The following PDCD6IP variants were observed in gnomAD, a reference collection of about 807,000 sequenced individuals.
The protein encoded by PDCD6IP is programmed cell death 6-interacting protein.
Under a neutral mutation model 103.7 loss-of-function variants are expected in PDCD6IP, and 43 were observed. The ratio of observed to expected loss-of-function variants is 0.41; its 90% CI spans 0.32 to 0.53. PDCD6IP has a LOEUF of 0.53. Among genes scored for constraint, PDCD6IP ranks in the 20% least tolerant of loss-of-function variants. The pLI is 0.16. For synonymous variants in PDCD6IP, 354 were observed against 378.7 expected, an observed-to-expected ratio of 0.93 and a Z score of 0.76; for missense variants, 871 against 1,036.7, an observed-to-expected ratio of 0.84 and a Z score of 2.20.
At chr3:33,845,959 C>T (rs1201808139) in intron 12 of PDCD6IP, among the ~76,000 whole-genome samples, 2 of 152,162 alleles carry the variant, frequency 1.3e-5, no homozygotes, top group Admixed American at 1.3e-4. Flanking sequence ...ATTCTATACT[C>T]CTTTCCACCT....
chr3:33,832,409 TAGC>T (rs1697263437), intron 7 of PDCD6IP, among the ~76,000 whole-genome samples: 1 of 152,208 alleles, frequency 6.6e-6, no homozygotes, highest in African/African-American at 2.4e-5. Flanking sequence ...GTCCCGTACA[TAGC>T]AGCAGGTATA....
chr3:33,866,724 G>A lies in PDCD6IP; in HGVS notation c.*199G>A. On this transcript the variant is annotated 3_prime_UTR_variant, in exon 18 of 18. Transcript: ENST00000307296. ...ACATGTGAGATTTGCTGCTGTTGCA[G>A]TATAAACACTAGGTATAATAGGATT... 2.4e-6 allele frequency: 1 copy of A among 414,868 alleles called. No individual in the cohort carries two copies. 25.7% of individuals were successfully genotyped at this position (414,868 alleles called of 1,614,324 possible). A position where few individuals can be genotyped will look rare whatever the true frequency, so the allele number is the denominator to read the frequency against.
At position 33,836,398 on chromosome 3, in the gene PDCD6IP, T is replaced by C. The variant is rs894025956; in HGVS notation, c.1057+132T>C. On this transcript the variant is annotated intron_variant, in intron 8 of 17. Coordinates refer to ENST00000307296, the MANE Select transcript of PDCD6IP (RefSeq NM_013374.6). Reference sequence around the variant, plus strand: ...GTATTCATGTTGTTTAAAATGAATATGAGAATAAATATTGTGCCAGTGCAA... The same window carrying C: ...GTATTCATGTTGTTTAAAATGAATACGAGAATAAATATTGTGCCAGTGCAA... 6.5e-6 allele frequency: 4 copies of C among 611,562 alleles called. No individual in the cohort carries two copies. The African/African-American group carries it at 7.4e-5, about 11-fold the overall frequency. The allele number at this position is 611,562 out of a possible 1,614,324, so 37.9% of individuals were successfully genotyped here.
At chr3:33,821,357 A>C (rs1057132405) in intron 3 of PDCD6IP, among the ~76,000 whole-genome samples, 9 of 152,116 alleles carry the variant, frequency 5.9e-5, no homozygotes, top group African/African-American at 2.2e-4. Flanking sequence ...CAGTTTGTCT[A>C]TATCTTCATC....
intron 11 of PDCD6IP, among the ~76,000 whole-genome samples, chr3:33,845,085 T>A (rs73826774): frequency 0.041 from 6,247 of 152,190 alleles, 404 homozygotes; most frequent in African/African-American, 0.14. Context: ...GGAATACTTT[T>A]AAAATAAATG....
At chr3:33,851,837 T>C (rs771917902) in intron 12 of PDCD6IP, among the ~76,000 whole-genome samples, 3 of 152,190 alleles carry the variant, frequency 2.0e-5, no homozygotes, top group Admixed American at 6.5e-5. Context: ...ATAAATGTGG[T>C]ATATACACTT....
intron 1 of PDCD6IP, 75 bp downstream of exon 1, chr3:33,799,012 C>T: frequency 3.0e-6 from 4 of 1,320,376 alleles, no homozygotes; most frequent in African/African-American, 1.5e-5. Context: ...CTCCCCCCTT[C>T]CTTCAATCCT....
intron 7 of PDCD6IP, among the ~76,000 whole-genome samples, chr3:33,832,885 A>G (rs998195160): frequency 1.3e-5 from 2 of 152,080 alleles, no homozygotes; most frequent in Non-Finnish European, 2.9e-5. Flanking sequence ...GTTTCTTCAT[A>G]TGAATTTTCT....
chr3:33,848,693 G>A (rs530182440), intron 12 of PDCD6IP, among the ~76,000 whole-genome samples: 1 of 152,222 alleles, frequency 6.6e-6, no homozygotes, highest in South Asian at 2.1e-4. Flanking sequence ...GTGAGCTACC[G>A]CGCCCGGCCC....
Position 33,866,796 on chromosome 3 carries a change from C to T in PDCD6IP, c.*271C>T, listed in dbSNP as rs1017190090. 1 of 314,614 alleles carries T rather than the reference C, an allele frequency of 3.2e-6. No individual in the cohort carries two copies. The highest frequency in any genetic ancestry group is 5.8e-6 in the Non-Finnish European group (1 of 173,316). The allele number at this position is 314,614 out of a possible 1,614,324, so 19.5% of individuals were successfully genotyped here. A position where few individuals can be genotyped will look rare whatever the true frequency, so the allele number is the denominator to read the frequency against. ...AAAAATTGAAAATGAGAAATTAAAC[C>T]TGCAAGTGAAACATTTGAAACGATT... On this transcript the variant is annotated 3_prime_UTR_variant, in exon 18 of 18. Coordinates refer to ENST00000307296, the MANE Select transcript of PDCD6IP (RefSeq NM_013374.6).
At chr3:33,836,832 CTGGGTGACAGAGAGAGATCTTT>C (rs1697359670) in intron 8 of PDCD6IP, among the ~76,000 whole-genome samples, 1 of 151,664 alleles carries the variant, frequency 6.6e-6, no homozygotes, top group South Asian at 2.1e-4. Context: ...ATACTCCAGC[CTGGGTGACAGAGAGAGATCTTT>C]TCTCAAAAAT....
intron 12 of PDCD6IP, among the ~76,000 whole-genome samples, chr3:33,848,307 G>T (rs573919588): frequency 4.6e-5 from 7 of 152,060 alleles, no homozygotes; most frequent in Admixed American, 4.6e-4. Context: ...AAGTTTCTGC[G>T]TTCGTTGCTG....
chr3:33,855,021 G>C, intron 14 of PDCD6IP, 145 bp from the exon 15 acceptor site: 2 of 474,298 alleles, frequency 4.2e-6, no homozygotes, highest in East Asian at 7.0e-5. Flanking sequence ...TAAGTTGTTG[G>C]GCCTAGTAAA....
At chr3:33,807,229 C>G (rs1435284416) in intron 1 of PDCD6IP, among the ~76,000 whole-genome samples, 1 of 152,206 alleles carries the variant, frequency 6.6e-6, no homozygotes, top group African/African-American at 2.4e-5. Context: ...TCATTTCCTA[C>G]TACTCCCTTC....
chr3:33,846,783 CTGTT>C (rs1033253722), intron 12 of PDCD6IP, among the ~76,000 whole-genome samples: 7 of 152,186 alleles, frequency 4.6e-5, no homozygotes, highest in Non-Finnish European at 7.3e-5. Context: ...TGGCTGGAAT[CTGTT>C]TGTTTATTTA....
Position 33,852,536 on chromosome 3 carries a change from A to G in PDCD6IP, c.1690A>G (p.Lys564Glu). 1 of 1,562,028 alleles carries G rather than the reference A, an allele frequency of 6.4e-7. No individual in the cohort carries two copies. Among genetic ancestry groups the G allele is most frequent in the East Asian group, 2.3e-5 (1 of 44,366 alleles). ...SLLSNLDEVK[K>E]EREGLENDLK... ...ATTGTCAAATCTTGATGAAGTAAAG[A>G]AGGAAAGAGAGGGTCTGGAGAATGA... Residue 564 changes from lysine to glutamate, a missense_variant, in exon 13 of 18, where the codon AAG (lysine) becomes GAG (glutamate). Lys to Glu is a moderately conservative substitution (Grantham distance 56, BLOSUM62 1). This residue lies in a region of PDCD6IP where 266 missense variants were observed against 390.5 expected (regional missense o/e 0.68). Transcript: ENST00000307296.
intron 1 of PDCD6IP, among the ~76,000 whole-genome samples, chr3:33,806,579 C>G (rs1416788849): frequency 6.6e-6 from 1 of 152,188 alleles, no homozygotes; most frequent in East Asian, 1.9e-4. Context: ...TTTGCCAACT[C>G]CTGGCTTAGC....
intron 15 of PDCD6IP, among the ~76,000 whole-genome samples, chr3:33,855,924 T>G (rs1303498179): frequency 1.3e-5 from 2 of 152,182 alleles, no homozygotes; most frequent in Non-Finnish European, 2.9e-5. Context: ...TCCTGGGGCC[T>G]TGGACTGGTA....
chr3:33,863,055 T>TA (rs1697987254), intron 15 of PDCD6IP, among the ~76,000 whole-genome samples: 1 of 152,182 alleles, frequency 6.6e-6, no homozygotes, highest in Admixed American at 6.5e-5. Context: ...TAGTATATTT[T>TA]GTTTTTTTCA....
Sources: allele counts gnomAD v4.1 joint callset (sites outside exome capture counted in the v4.1 genomes callset), GRCh38; gene constraint gnomAD v4.1.1; regional missense constraint gnomAD v4.1.1; transcripts MANE v1.5; gene names NCBI Gene and HGNC (gene_info 2026-07-23, HGNC 2026-07-21).